The following ILF2 variants were observed in gnomAD, a reference collection of about 807,000 sequenced individuals.
The protein encoded by ILF2 is interleukin enhancer binding factor 2, also known as interleukin enhancer-binding factor 2.
ILF2 carries 9 observed loss-of-function variants against 55.3 expected under a neutral mutation model. That is an observed-to-expected ratio of 0.16 (90% CI 0.10 to 0.28). The LOEUF (loss-of-function observed/expected upper bound fraction) is 0.28, where lower values mean the gene tolerates loss of function less well. Among genes scored for constraint, ILF2 ranks in the 10% least tolerant of loss-of-function variants. The pLI, the probability that ILF2 is intolerant of heterozygous loss-of-function variation, is 1.00. For synonymous variants in ILF2, 151 were observed against 161.8 expected (o/e 0.93, Z 0.50); for missense variants, 266 against 474.9 (o/e 0.56, Z 4.09).
chr1:153,664,173 T>G (rs947765440), intron 9 of ILF2, 43 bp from the exon 10 acceptor site: 2 of 1,232,998 alleles, frequency 1.6e-6, no homozygotes, highest in Non-Finnish European at 2.4e-6. Flanking sequence ...AATACGATCA[T>G]GTATTTCCAT....
chr1:153,667,937 G>T, intron 5 of ILF2, 63 bp downstream of exon 5: 1 of 1,184,928 alleles, frequency 8.4e-7, no homozygotes, highest in Non-Finnish European at 1.2e-6. Context: ...AAAGTCAAGA[G>T]CCAAGGCAAT....
chr1:153,667,917 C>T (rs749852604), intron 5 of ILF2, 83 bp downstream of exon 5: 2 of 996,902 alleles, frequency 2.0e-6, no homozygotes, highest in South Asian at 1.5e-5. Context: ...TAATAGACAA[C>T]TGAAAATTAA....
In ILF2 at chr1:153,663,002, C is replaced by A; in HGVS notation, c.921+17G>T. 1 of 1,593,010 alleles carries A rather than the reference C, an allele frequency of 6.3e-7. No homozygotes were observed. Among genetic ancestry groups the A allele is most frequent in the South Asian group, 1.1e-5 (1 of 90,454 alleles). On this transcript the variant is annotated intron_variant, in intron 12 of 13. Transcript: ENST00000361891. The stretch of plus-strand genomic sequence containing the variant: ...AAGAGTGGGGCAAAACAACTCAGTT[C>A]ATATCTGTCCCAATACCTGCTGTTC...
intron 5 of ILF2, 107 bp from the exon 6 acceptor site, chr1:153,667,764 A>G (rs1669348647): frequency 1.2e-6 from 1 of 801,832 alleles, no homozygotes. Context: ...ATTAAGAAGT[A>G]GCAGAGGTGA....
intron 10 of ILF2, 58 bp downstream of exon 10, chr1:153,663,985 A>G (rs1260900448): frequency 2.3e-6 from 2 of 874,958 alleles, no homozygotes; most frequent in Non-Finnish European, 3.8e-6. Context: ...TACTACTACT[A>G]CTACTACTAC....
chr1:153,665,080 A>G (rs1669274465), intron 8 of ILF2, 140 bp downstream of exon 8: 1 of 607,890 alleles, frequency 1.6e-6, no homozygotes, highest in Admixed American at 3.0e-5. Context: ...GGGAGAGAGC[A>G]AAGTTCAGAA....
intron 6 of ILF2, among the ~76,000 whole-genome samples, chr1:153,665,999 A>G (rs1264952735): frequency 6.6e-6 from 1 of 151,990 alleles, no homozygotes; most frequent in Non-Finnish European, 1.5e-5. Context: ...GGCTAGACAA[A>G]TCTTTGGGGT....
At chr1:153,670,283 A>G (rs1209816386) in intron 1 of ILF2, 53 bp from the exon 2 acceptor site, 2 of 1,580,102 alleles carry the variant, frequency 1.3e-6, no homozygotes, top group Non-Finnish European at 1.7e-6. Context: ...CACCGGCCAT[A>G]TCATCTTAGG....
At chr1:153,664,498 C>T (rs376874011) in intron 8 of ILF2, 24 bp from the exon 9 acceptor site, 6 of 1,559,808 alleles carry the variant, frequency 3.8e-6, no homozygotes, top group Non-Finnish European at 5.3e-6. Flanking sequence ...CATGATATGC[C>T]AGGATGAAAC....
At position 153,662,855 on chromosome 1, in the gene ILF2, C is replaced by T. The variant is rs1046938266; in HGVS notation, c.922-60G>A. The T allele has an allele frequency of 1.1e-5, 16 of 1,443,888 alleles. No homozygotes were observed. The South Asian group carries it at 1.6e-4, about 15-fold the overall frequency. The allele number at this position is 1,443,888 out of a possible 1,614,324, so 89.4% of individuals were successfully genotyped here. On this transcript the variant is annotated intron_variant, in intron 12 of 13. Coordinates refer to ENST00000361891, the MANE Select transcript of ILF2 (RefSeq NM_004515.4). Reference sequence around the variant, plus strand: ...ATCAAAGGACCTTATTTGAGTAATACCCTTCTGAAAACAGAGATTAAGACA... The same window carrying T: ...ATCAAAGGACCTTATTTGAGTAATATCCTTCTGAAAACAGAGATTAAGACA...
intron 8 of ILF2, 23 bp from the exon 9 acceptor site, chr1:153,664,497 C>T (rs1669257271): frequency 7.0e-6 from 11 of 1,575,986 alleles, no homozygotes; most frequent in Non-Finnish European, 8.7e-6. Context: ...GCATGATATG[C>T]CAGGATGAAA....
chr1:153,670,953 C>T lies in ILF2; in HGVS notation c.-31G>A, dbSNP rs1669455450. ...CTTAAAACACGAACAATGGAGGCCG[C>T]ACCAACCGCCCCTTCCTCTGAGTAG... On this transcript the variant is annotated 5_prime_UTR_variant, in exon 1 of 14. Transcript: ENST00000361891. The T allele has an allele frequency of 3.7e-6, 6 of 1,614,088 alleles. No individual in the cohort carries two copies. In the East Asian group the frequency reaches 6.7e-5, roughly 18 times the overall value.
rs1669181664 is a variant in ILF2, at chr1:153,662,032, G to A, written c.*364C>T. 1 of 164,826 alleles carries A rather than the reference G, an allele frequency of 6.1e-6. No individual in the cohort carries two copies. The highest frequency in any genetic ancestry group is 2.4e-5 in the African/African-American group (1 of 41,688). 10.2% of individuals were successfully genotyped at this position (164,826 alleles called of 1,614,324 possible). ...AAAAAACACCAACCAGAAAGACCAAGAGCCCTACTAGGAAGTACTTTAATA... is the reference window on the plus strand; with the variant it reads ...AAAAAACACCAACCAGAAAGACCAAAAGCCCTACTAGGAAGTACTTTAATA... On this transcript the variant is annotated 3_prime_UTR_variant, in exon 14 of 14. Transcript: ENST00000361891.
intron 10 of ILF2, among the ~76,000 whole-genome samples, 192 bp downstream of exon 10, chr1:153,663,849 CAA>C (rs1372075967): frequency 6.9e-6 from 1 of 144,302 alleles, no homozygotes; most frequent in African/African-American, 2.6e-5. Flanking sequence ...TTTTTTTAAA[CAA>C]ATGTCTCTGA....
chr1:153,670,913 C>T lies in ILF2; in HGVS notation c.5+5G>A, dbSNP rs1201288602. The stretch of plus-strand genomic sequence containing the variant: ...GAAACCTTTCGACCGCTTCGACCCA[C>T]TTACCTCATGGCGCCTTAAAACACG... On this transcript the variant is annotated splice_donor_5th_base_variant and intron_variant, in intron 1 of 13. Transcript: ENST00000361891. The T allele has an allele frequency of 1.8e-5, 29 of 1,614,108 alleles. No homozygotes were observed. The highest frequency in any genetic ancestry group is 8.9e-5 in the East Asian group (4 of 44,904).
chr1:153,670,645 C>T (rs1669419533), intron 1 of ILF2, among the ~76,000 whole-genome samples: 1 of 152,136 alleles, frequency 6.6e-6, no homozygotes, highest in Non-Finnish European at 1.5e-5. Context: ...GGGAGCTCCT[C>T]CAGGGGCTTG....
intron 4 of ILF2, 62 bp from the exon 5 acceptor site, chr1:153,668,139 G>T: frequency 1.6e-6 from 2 of 1,280,778 alleles, no homozygotes; most frequent in South Asian, 1.3e-5. Context: ...CTCAGAATTT[G>T]AATATTTTCT....
chr1:153,663,177 T>G, intron 11 of ILF2, 38 bp downstream of exon 11: 1 of 1,613,898 alleles, frequency 6.2e-7, no homozygotes, highest in Non-Finnish European at 8.5e-7. Flanking sequence ...ATGCACAAAA[T>G]AGTTTACAAC....
chr1:153,669,931 G>T, intron 2 of ILF2, 53 bp from the exon 3 acceptor site: 1 of 1,445,864 alleles, frequency 6.9e-7, no homozygotes. Flanking sequence ...CAAGCGAGAT[G>T]TAAATAACAC....
Sources: gnomAD v4.1 joint callset for allele counts (sites outside exome capture counted in the v4.1 genomes callset) on GRCh38, gnomAD v4.1.1 for gene constraint, MANE v1.5 for transcripts, NCBI Gene and HGNC (gene_info 2026-07-23, HGNC 2026-07-21) for gene names.